The following IFNLR1 variants were observed in gnomAD, a reference collection of about 807,000 sequenced individuals.
The protein encoded by IFNLR1 is CRF2-12.
IFNLR1 carries 28 observed loss-of-function variants against 52.5 expected under a neutral mutation model. That is an observed-to-expected ratio of 0.53 (90% confidence interval 0.40 to 0.73). IFNLR1 has a LOEUF of 0.73. Ranked by LOEUF, IFNLR1 falls within the 30% of genes least tolerant of loss-of-function variation. The pLI is 0.00. For synonymous variants in IFNLR1, 276 were observed against 274.9 expected (o/e 1.00, Z -0.04); for missense variants, 623 against 659.1 (o/e 0.95, Z 0.60).
intron 4 of IFNLR1, 93 bp from the exon 5 acceptor site, chr1:24,159,726 G>GTTTTTTTTTTGTTGTTT: frequency 7.9e-6 from 6 of 761,910 alleles, no homozygotes; most frequent in Non-Finnish European, 1.2e-5. Flanking sequence ...ATGGTAGGGT[G>GTTTTTTTTTTGTTGTTT]TTTTTTTTTT....
rs146902999 is a variant in IFNLR1, at chr1:24,181,896, C to T, written c.59-1042G>A. ...GACAGCTAGGCTATTAGGCTGTCCGCCAGGTAAGAAGTATTTCATGGGCCG... is the reference window on the plus strand; with the variant it reads ...GACAGCTAGGCTATTAGGCTGTCCGTCAGGTAAGAAGTATTTCATGGGCCG... On this transcript the variant is annotated intron_variant, in intron 1 of 6. Coordinates refer to ENST00000327535, the MANE Select transcript of IFNLR1 (RefSeq NM_170743.4). Among the ~76,000 whole-genome samples, 293 of 152,198 alleles carry T rather than the reference C, an allele frequency of 1.9e-3. 1 individual carries two copies. The highest frequency in any genetic ancestry group is 3.4e-3 in the Middle Eastern group (1 of 294).
chr1:24,156,771 C>T lies in IFNLR1; in HGVS notation c.*359G>A, dbSNP rs1254000374. On this transcript the variant is annotated 3_prime_UTR_variant, in exon 7 of 7. Coordinates refer to ENST00000327535, the MANE Select transcript of IFNLR1 (RefSeq NM_170743.4). The stretch of plus-strand genomic sequence containing the variant: ...GTTCCAGAGGGCCCCTTGGTGGTGT[C>T]CGCCCTTGATGTCCGCAGTGACCTG... 1.8e-5 allele frequency: 4 copies of T among 225,900 alleles called. No homozygotes were observed. The East Asian group carries it at 4.4e-4, about 25-fold the overall frequency. 14.0% of individuals were successfully genotyped at this position (225,900 alleles called of 1,614,324 possible).
intron 3 of IFNLR1, among the ~76,000 whole-genome samples, chr1:24,164,248 G>A (rs2148591237): frequency 6.6e-6 from 1 of 152,284 alleles, no homozygotes; most frequent in Non-Finnish European, 1.5e-5. Context: ...TTCGCTCTTA[G>A]CACTGCCCTT....
At chr1:24,174,517 G>A (rs1446275656) in intron 2 of IFNLR1, among the ~76,000 whole-genome samples, 1 of 152,180 alleles carries the variant, frequency 6.6e-6, no homozygotes, top group Non-Finnish European at 1.5e-5. Flanking sequence ...GAGGTCTCAG[G>A]TGGAAAAGAG....
At chr1:24,178,311 G>C (rs1177802265) in intron 2 of IFNLR1, among the ~76,000 whole-genome samples, 1 of 151,898 alleles carries the variant, frequency 6.6e-6, no homozygotes, top group African/African-American at 2.4e-5. Context: ...ACATGTGTGT[G>C]TCTATGTGGT....
rs151180612 is a variant in IFNLR1, at chr1:24,168,676, C to T, written c.367+741G>A. Among the ~76,000 whole-genome samples, 865 of 150,580 alleles carry T rather than the reference C, an allele frequency of 5.7e-3. 11 individuals are homozygous for T. Among genetic ancestry groups the T allele is most frequent in the African/African-American group, 0.02 (797 of 40,534 alleles). ...GACATTTTTTTTTCTATCATCTTTA[C>T]CCCCCCACCCCCCACAAATTTCTAC... On this transcript the variant is annotated intron_variant, in intron 3 of 6. Coordinates refer to ENST00000327535, the MANE Select transcript of IFNLR1 (RefSeq NM_170743.4).
At chr1:24,181,668 G>A (rs1644691818) in intron 1 of IFNLR1, among the ~76,000 whole-genome samples, 1 of 152,154 alleles carries the variant, frequency 6.6e-6, no homozygotes, top group East Asian at 1.9e-4. Context: ...TTTGCATTGA[G>A]GTGGTGTACT....
chr1:24,173,155 A>G (rs1020806314), intron 2 of IFNLR1, among the ~76,000 whole-genome samples: 1 of 151,564 alleles, frequency 6.6e-6, no homozygotes, highest in Non-Finnish European at 1.5e-5. Flanking sequence ...CCACCAAAAA[A>G]GCCTAACGAA....
Position 24,155,176 on chromosome 1 carries a change from C to T in IFNLR1, c.*1954G>A, listed in dbSNP as rs1249415197. On this transcript the variant is annotated 3_prime_UTR_variant, in exon 7 of 7. Transcript: ENST00000327535. ...TGGACAAGCCTCACTGCAGGGAAAA[C>T]CCCTGGGGAGACACAGGTGTGTGTC... The T allele has an allele frequency of 4.0e-5, 6 of 148,352 alleles. No homozygotes were observed. Among genetic ancestry groups the T allele is most frequent in the South Asian group, 4.4e-4 (2 of 4,530 alleles). The allele number at this position is 148,352 out of a possible 1,614,324, so 9.2% of individuals were successfully genotyped here.
intron 1 of IFNLR1, among the ~76,000 whole-genome samples, chr1:24,185,705 A>C (rs978095925): frequency 2.6e-5 from 4 of 152,234 alleles, no homozygotes; most frequent in Non-Finnish European, 5.9e-5. Context: ...GGCTGTCTGC[A>C]AGCCACTTGT....
chr1:24,168,554 A>G (rs1308887719), intron 3 of IFNLR1, among the ~76,000 whole-genome samples: 2 of 151,874 alleles, frequency 1.3e-5, no homozygotes, highest in Non-Finnish European at 2.9e-5. Context: ...ATGGAAATGA[A>G]CCTCACAAGT....
At chr1:24,176,272 T>A (rs1644632000) in intron 2 of IFNLR1, among the ~76,000 whole-genome samples, 1 of 152,152 alleles carries the variant, frequency 6.6e-6, no homozygotes, top group Non-Finnish European at 1.5e-5. Context: ...TTATATGAAA[T>A]TCTGGAACAG....
chr1:24,165,762 T>C (rs1644512578), intron 3 of IFNLR1, among the ~76,000 whole-genome samples: 1 of 152,232 alleles, frequency 6.6e-6, no homozygotes, highest in Non-Finnish European at 1.5e-5. Context: ...ATTACTTACA[T>C]GTTTAGGAAA....
At chr1:24,178,648 A>T (rs1644658525) in intron 2 of IFNLR1, among the ~76,000 whole-genome samples, 1 of 152,180 alleles carries the variant, frequency 6.6e-6, no homozygotes, top group Non-Finnish European at 1.5e-5. Context: ...GTCGCAATAG[A>T]CTGAAACCAC....
Position 24,157,094 on chromosome 1 carries a change from A to G in IFNLR1, c.*36T>C. The stretch of plus-strand genomic sequence containing the variant: ...GCCCAGTAGTCCTTGCAAAGGCAGC[A>G]GCAGCATCAGATTCGGTGGGATGTC... On this transcript the variant is annotated 3_prime_UTR_variant, in exon 7 of 7. Transcript: ENST00000327535. The surrounding 1 kb of genome is among the most constrained non-coding windows in gnomAD (Gnocchi z 5.1). 1.3e-6 allele frequency: 2 copies of G among 1,570,570 alleles called. No individual in the cohort carries two copies. The highest frequency in any genetic ancestry group is 1.7e-6 in the Non-Finnish European group (2 of 1,159,720).
At chr1:24,168,963 C>T (rs992028896) in intron 3 of IFNLR1, among the ~76,000 whole-genome samples, 2 of 152,170 alleles carry the variant, frequency 1.3e-5, no homozygotes, top group African/African-American at 2.4e-5. Flanking sequence ...AGGGTGGTCT[C>T]AAACTCCTGA....
At chr1:24,173,423 A>G (rs1644601514) in intron 2 of IFNLR1, among the ~76,000 whole-genome samples, 1 of 152,190 alleles carries the variant, frequency 6.6e-6, no homozygotes, top group African/African-American at 2.4e-5. Flanking sequence ...GTTAAAATGA[A>G]AAAGACTGAT....
chr1:24,180,691 C>CCCCG, intron 2 of IFNLR1, 40 bp downstream of exon 2: 1 of 1,437,896 alleles, frequency 7.0e-7, no homozygotes, highest in Admixed American at 1.8e-5. Flanking sequence ...CACCCACCCC[C>CCCCG]TCAGTCTTCC....
rs74060530 is a variant in IFNLR1 at position 24,159,465 on chromosome 1, G to T, written c.670+9C>A. 1.3e-3 allele frequency: 2,070 copies of T among 1,613,568 alleles called. 17 individuals carry two copies. In the African/African-American group the frequency reaches 0.022, roughly 17 times the overall value. On this transcript the variant is annotated intron_variant, in intron 5 of 6. Coordinates refer to ENST00000327535, the MANE Select transcript of IFNLR1 (RefSeq NM_170743.4). ...GAAAGTTTCTCTTTCTGCACCACTT[G>T]ATACCCACCTGGGACCTCCAGCAAG...
Sources: allele counts gnomAD v4.1 joint callset (sites outside exome capture counted in the v4.1 genomes callset), GRCh38; gene constraint gnomAD v4.1.1; non-coding constraint Gnocchi (gnomAD v3.1); transcripts MANE v1.5; gene names NCBI Gene and HGNC (gene_info 2026-07-23, HGNC 2026-07-21).